The following PHKG2 variants were observed in gnomAD, a reference collection of about 807,000 sequenced individuals.
The protein encoded by PHKG2 is phosphorylase kinase catalytic subunit gamma 2.
PHKG2 carries 28 observed loss-of-function variants against 44.5 expected under a neutral mutation model. The observed-to-expected ratio is 0.63, with a 90% CI of 0.47 to 0.86. The LOEUF (loss-of-function observed/expected upper bound fraction) is 0.86, where lower values mean the gene tolerates loss of function less well. Among genes scored for constraint, PHKG2 ranks in the 40% least tolerant of loss-of-function variants. The pLI, the probability that PHKG2 is intolerant of heterozygous loss-of-function variation, is 0.00. For synonymous variants in PHKG2, 220 were observed against 211.2 expected (o/e 1.04, Z -0.36); for missense variants, 498 against 547.5 (o/e 0.91, Z 0.90).
Position 30,757,297 on chromosome 16 carries a change from G to C in PHKG2, c.*200G>C, listed in dbSNP as rs375389458. On this transcript the variant is annotated 3_prime_UTR_variant, in exon 10 of 10. Coordinates refer to ENST00000563588, the MANE Select transcript of PHKG2 (RefSeq NM_000294.3). Reference sequence around the variant, plus strand: ...GGGGTGGAAGGGAGCCATTCTGAACGCCACGCCTGGCCCGGTCAGTGCTGC... The same window carrying C: ...GGGGTGGAAGGGAGCCATTCTGAACCCCACGCCTGGCCCGGTCAGTGCTGC... 1.6e-5 allele frequency: 24 copies of C among 1,535,744 alleles called. No homozygotes were observed. The highest frequency in any genetic ancestry group is 1.9e-5 in the Non-Finnish European group (22 of 1,149,380).
chr16:30,759,456 C>A lies in PHKG2; in HGVS notation c.*2359C>A. On this transcript the variant is annotated 3_prime_UTR_variant, in exon 10 of 10. Coordinates refer to ENST00000563588, the MANE Select transcript of PHKG2 (RefSeq NM_000294.3). ...TGAAGAGGTCGATGCTGAAAGGAGG[C>A]CGCTGTGGTGGTGACTCGGAATTAG... 6.2e-7 allele frequency: 1 copy of A among 1,614,220 alleles called. No homozygotes were observed. The highest frequency in any genetic ancestry group is 8.5e-7 in the Non-Finnish European group (1 of 1,180,038).
rs755440328 is a variant in PHKG2, at chr16:30,757,457, T to C, written c.*360T>C. ...GGTGCCATTCTGGCCCAGACCTTTA[T>C]TGGGGAAAATGTTGGGGGTCACTTG... On this transcript the variant is annotated 3_prime_UTR_variant, in exon 10 of 10. Transcript: ENST00000563588. 32 of 1,607,952 alleles carry C rather than the reference T, an allele frequency of 2.0e-5. No homozygotes were observed. Among genetic ancestry groups the C allele is most frequent in the South Asian group, 4.4e-5 (4 of 90,228 alleles).
chr16:30,755,156 C>T (rs1345595496), intron 6 of PHKG2: 5 of 312,406 alleles, frequency 1.6e-5, no homozygotes, highest in Non-Finnish European at 3.2e-5. Context: ...GGAGGAGGCT[C>T]ACTTGAGCCT....
In PHKG2 at chr16:30,757,083, C is replaced by G. The variant is rs1468570075; in HGVS notation, c.1207C>G (p.Leu403Val). 6.2e-7 allele frequency: 1 copy of G among 1,613,236 alleles called. No homozygotes were observed. The highest frequency in any genetic ancestry group is 1.7e-5 in the Admixed American group (1 of 60,010). ...SAAITEDEAV[L>V]VLG ...TGCTATAACTGAGGATGAGGCCGTG[C>G]TTGTGCTGGGCTAGGACCTCAACCC... The change falls in exon 10 of 10, where the codon CTT becomes GTT. Residue 403 changes from leucine to valine, a missense_variant. Physicochemically the swap from Leu to Val is conservative, Grantham distance 32. Transcript: ENST00000563588.
chr16:30,758,478 A>G lies in PHKG2; in HGVS notation c.*1381A>G, dbSNP rs375235385. ...GGTGGTTTGCTTTACCCATCAACCC[A>G]TCATATAGGTTTTAAGCCACCGTCA... On this transcript the variant is annotated 3_prime_UTR_variant, in exon 10 of 10. Transcript: ENST00000563588. The G allele has an allele frequency of 5.6e-6, 1 of 178,018 alleles. No individual in the cohort carries two copies. Among genetic ancestry groups the G allele is most frequent in the East Asian group, 1.6e-4 (1 of 6,114 alleles). 11.0% of individuals were successfully genotyped at this position (178,018 alleles called of 1,614,324 possible). A position where few individuals can be genotyped will look rare whatever the true frequency, so the allele number is the denominator to read the frequency against.
chr16:30,757,841 T>G lies in PHKG2; in HGVS notation c.*744T>G, dbSNP rs2053483697. 2 of 1,402,690 alleles carry G rather than the reference T, an allele frequency of 1.4e-6. No homozygotes were observed. The highest frequency in any genetic ancestry group is 2.6e-4 in the Middle Eastern group (1 of 3,782). The allele number at this position is 1,402,690 out of a possible 1,614,324, so 86.9% of individuals were successfully genotyped here. A position where few individuals can be genotyped will look rare whatever the true frequency, so the allele number is the denominator to read the frequency against. ...AGGTAGTTGGGTAGGGTGGCTATGC[T>G]GGACTTTGCAGCTTCAAATTCTGAT... On this transcript the variant is annotated 3_prime_UTR_variant, in exon 10 of 10. Transcript: ENST00000563588.
intron 6 of PHKG2, among the ~76,000 whole-genome samples, chr16:30,755,765 G>C (rs1399297799): frequency 6.6e-6 from 1 of 151,902 alleles, no homozygotes; most frequent in Non-Finnish European, 1.5e-5. Context: ...AAGAGGTTTG[G>C]GCAGATAGGA....
chr16:30,756,920 C>T lies in PHKG2; in HGVS notation c.1044C>T (p.His348=), dbSNP rs201829095. The T allele has an allele frequency of 5.0e-6, 8 of 1,613,982 alleles. No individual in the cohort carries two copies. Among genetic ancestry groups the T allele is most frequent in the Non-Finnish European group, 6.8e-6 (8 of 1,180,020 alleles). ...RDPYALRSVR[H]LIDNCAFRLY... Reference sequence around the variant, plus strand: ...CTTATGCGCTGCGGTCAGTGCGGCACCTCATCGACAACTGTGCCTTCCGGC... The same window carrying T: ...CTTATGCGCTGCGGTCAGTGCGGCATCTCATCGACAACTGTGCCTTCCGGC... The change falls in exon 10 of 10, where the codon CAC becomes CAT. Residue 348 remains histidine, a synonymous_variant. Coordinates refer to ENST00000563588, the MANE Select transcript of PHKG2 (RefSeq NM_000294.3).
Position 30,759,039 on chromosome 16 carries a change from TCTCTAGTTC to T in PHKG2, c.*1947_*1955del, listed in dbSNP as rs1324694404. ...GGCTCTGGCTCTGGTGGGGCCACTG[TCTCTAGTTC>T]CTCTTTCTGCGGGGTAACTGCCTGC... On this transcript the variant is annotated 3_prime_UTR_variant, in exon 10 of 10. Coordinates refer to ENST00000563588, the MANE Select transcript of PHKG2 (RefSeq NM_000294.3). The T allele has an allele frequency of 1.2e-6, 2 of 1,614,208 alleles. No individual in the cohort carries two copies. Among genetic ancestry groups the T allele is most frequent in the African/African-American group, 2.7e-5 (2 of 75,044 alleles).
At position 30,748,599 on chromosome 16, in the gene PHKG2, C is replaced by T. The variant is rs992963176; in HGVS notation, c.-19+109C>T. 12 of 586,330 alleles carry T rather than the reference C, an allele frequency of 2.0e-5. No individual in the cohort carries two copies. In the Admixed American group the frequency reaches 2.4e-4, roughly 12 times the overall value. 36.3% of individuals were successfully genotyped at this position (586,330 alleles called of 1,614,324 possible). ...TTCCCCCTGCCTCCTGGGCACATCT[C>T]CCCACTCCCCTCCCTGCCCTGCCAT... On this transcript the variant is annotated intron_variant, in intron 1 of 9. Transcript: ENST00000563588.
In PHKG2 at chr16:30,759,602, A is replaced by G. The variant is rs767486727; in HGVS notation, c.*2505A>G. ...TGATGAATGTGAGAGAGACTGGGTGAGACCTTGTCTGGGGATGGGTAAAGT... is the reference window on the plus strand; with the variant it reads ...TGATGAATGTGAGAGAGACTGGGTGGGACCTTGTCTGGGGATGGGTAAAGT... On this transcript the variant is annotated 3_prime_UTR_variant, in exon 10 of 10. Coordinates refer to ENST00000563588, the MANE Select transcript of PHKG2 (RefSeq NM_000294.3). 8.7e-5 allele frequency: 140 copies of G among 1,613,988 alleles called. No homozygotes were observed. The highest frequency in any genetic ancestry group is 1.1e-4 in the Non-Finnish European group (126 of 1,180,026).
chr16:30,756,209 C>G lies in PHKG2; in HGVS notation c.584C>G (p.Ala195Gly). Residue 195 changes from alanine (A) to glycine (G), a missense_variant, in exon 7 of 10, where the codon GCG becomes GGG. Physicochemically the swap from Ala to Gly is moderately conservative, Grantham distance 60. Coordinates refer to ENST00000563588, the MANE Select transcript of PHKG2 (RefSeq NM_000294.3). ...TTGTGTGGGACCCCAGGGTATCTAG[C>G]GCCAGAGATCCTTAAATGCTCCATG... The part of the protein sequence containing the change: ...RELCGTPGYL[A>G]PEILKCSMDE... The G allele has an allele frequency of 6.2e-7, 1 of 1,614,054 alleles. No homozygotes were observed. Among genetic ancestry groups the G allele is most frequent in the Non-Finnish European group, 8.5e-7 (1 of 1,179,950 alleles).
chr16:30,752,962 T>C (rs1313269689), intron 4 of PHKG2: 8 of 518,960 alleles, frequency 1.5e-5, no homozygotes, highest in Non-Finnish European at 2.4e-5. Context: ...GCATAGTTAC[T>C]CTCAACAAGA....
At chr16:30,748,984 G>T (rs960312470) in intron 2 of PHKG2, 69 bp downstream of exon 2, 13 of 928,430 alleles carry the variant, frequency 1.4e-5, no homozygotes, top group Non-Finnish European at 2.0e-5. Flanking sequence ...TCCGTTTGAA[G>T]GCTGGAGAGT....
Position 30,758,517 on chromosome 16 carries a change from GATC to G in PHKG2, c.*1423_*1425del. ...AAGCCACCGTCATTGGCTTTCTAATGATCATTTCTCTGGAGCCACTTCAGCTGT... is the reference window on the plus strand; with the variant it reads ...AAGCCACCGTCATTGGCTTTCTAATGATTTCTCTGGAGCCACTTCAGCTGT... On this transcript the variant is annotated 3_prime_UTR_variant, in exon 10 of 10. Coordinates refer to ENST00000563588, the MANE Select transcript of PHKG2 (RefSeq NM_000294.3). 1 of 194,872 alleles carries G rather than the reference GATC, an allele frequency of 5.1e-6. No homozygotes were observed. Among genetic ancestry groups the G allele is most frequent in the Middle Eastern group, 2.3e-3 (1 of 432 alleles). 12.1% of individuals were successfully genotyped at this position (194,872 alleles called of 1,614,324 possible). A position where few individuals can be genotyped will look rare whatever the true frequency, so the allele number is the denominator to read the frequency against.
chr16:30,748,806 C>G lies in PHKG2; in HGVS notation c.-15C>G. 1.3e-6 allele frequency: 2 copies of G among 1,547,380 alleles called. No homozygotes were observed. The highest frequency in any genetic ancestry group is 1.2e-5 in the South Asian group (1 of 83,980). ...ACTGCCCTCCTCCTCCGCGCAGGCC[C>G]CCGCCTCCTTCAGGATGACGCTGGA... On this transcript the variant is annotated 5_prime_UTR_variant, in exon 2 of 10. Transcript: ENST00000563588.
In PHKG2 at chr16:30,758,995, C is replaced by T. The variant is rs773037049; in HGVS notation, c.*1898C>T. 1.9e-6 allele frequency: 3 copies of T among 1,614,098 alleles called. No individual in the cohort carries two copies. Among genetic ancestry groups the T allele is most frequent in the Non-Finnish European group, 2.5e-6 (3 of 1,179,972 alleles). On this transcript the variant is annotated 3_prime_UTR_variant, in exon 10 of 10. Coordinates refer to ENST00000563588, the MANE Select transcript of PHKG2 (RefSeq NM_000294.3). ...TGCTCAGAGGGACAGGGCAGCCTGC[C>T]CTCTCCAGATCCTCACTTGGCTCTG...
intron 4 of PHKG2, 104 bp from the exon 5 acceptor site, chr16:30,753,128 C>G: frequency 1.1e-6 from 1 of 909,842 alleles, no homozygotes; most frequent in East Asian, 2.5e-5. Flanking sequence ...CTGCAGAGAT[C>G]TATCTTTAGT....
Position 30,761,098 on chromosome 16 carries a change from C to G in PHKG2, c.*4001C>G. On this transcript the variant is annotated 3_prime_UTR_variant, in exon 10 of 10. Coordinates refer to ENST00000563588, the MANE Select transcript of PHKG2 (RefSeq NM_000294.3). ...AGTAATTGCATCTCCAGGCCTCAGT[C>G]TCATCTGTAAAATGGGGATGCCCTG... The G allele has an allele frequency of 7.2e-7, 1 of 1,385,358 alleles. No homozygotes were observed. Among genetic ancestry groups the G allele is most frequent in the Non-Finnish European group, 1.0e-6 (1 of 996,644 alleles). The allele number at this position is 1,385,358 out of a possible 1,614,324, so 85.8% of individuals were successfully genotyped here. A position where few individuals can be genotyped will look rare whatever the true frequency, so the allele number is the denominator to read the frequency against.
Sources: allele counts gnomAD v4.1 joint callset (sites outside exome capture counted in the v4.1 genomes callset), GRCh38; gene constraint gnomAD v4.1.1; transcripts MANE v1.5; gene names NCBI Gene and HGNC (gene_info 2026-07-23, HGNC 2026-07-21).